RALYL: variants seen among roughly 807,000 people sequenced by gnomAD.
RALYL encodes RALY RNA binding protein like, also known as RNA-binding Raly-like protein.
In RALYL, 29 loss-of-function variants were observed where a neutral mutation model predicts 35.1. That is an observed-to-expected ratio of 0.83 (90% CI 0.61 to 1.13). The LOEUF is 1.13. Ranked by LOEUF, RALYL falls within the 50% of genes most tolerant of loss-of-function variation. RALYL has a pLI of 0.00. For missense variants in RALYL, 359 were observed against 360.4 expected (o/e 1.00, Z 0.03); for synonymous variants, 120 against 127.6 (o/e 0.94, Z 0.40).
intron 2 of RALYL, among the ~76,000 whole-genome samples, chr8:84,604,747 C>T (rs1816740825): frequency 6.6e-6 from 1 of 152,060 alleles, no homozygotes. Context: ...GTGTCACATT[C>T]GGGATTTGTT....
intron 2 of RALYL, among the ~76,000 whole-genome samples, chr8:84,689,891 C>T (rs372421987): frequency 6.6e-6 from 1 of 151,948 alleles, no homozygotes; most frequent in Non-Finnish European, 1.5e-5. Flanking sequence ...CAAAAGATAG[C>T]AAGTGTCATC....
At chr8:84,809,523 TTCTC>T (rs1825430213) in intron 4 of RALYL, among the ~76,000 whole-genome samples, 1 of 152,160 alleles carries the variant, frequency 6.6e-6, no homozygotes, top group African/African-American at 2.4e-5. Flanking sequence ...GGTTTCTTCT[TTCTC>T]TATCTTGTGG....
At chr8:84,365,740 A>G (rs561379942) in intron 1 of RALYL, among the ~76,000 whole-genome samples, 3 of 152,218 alleles carry the variant, frequency 2.0e-5, no homozygotes, top group Admixed American at 6.5e-5. Context: ...GAAGGCAGTT[A>G]TGGGTTTTAC....
chr8:84,846,667 T>G (rs1283522029), intron 4 of RALYL, among the ~76,000 whole-genome samples: 1 of 152,182 alleles, frequency 6.6e-6, no homozygotes, highest in Non-Finnish European at 1.5e-5. Flanking sequence ...TTGGTAGGTT[T>G]TGTATTATGG....
chr8:84,914,332 T>C (rs888391377), intron 8 of RALYL, among the ~76,000 whole-genome samples: 8 of 151,994 alleles, frequency 5.3e-5, no homozygotes, highest in African/African-American at 1.9e-4. Flanking sequence ...TAAATAACGA[T>C]TTTTAGACAC....
intron 1 of RALYL, among the ~76,000 whole-genome samples, chr8:84,230,324 C>T (rs1825022641): frequency 6.6e-6 from 1 of 151,770 alleles, no homozygotes; most frequent in Non-Finnish European, 1.5e-5. Context: ...TTGCAACCAA[C>T]CCTAAAAATA....
intron 1 of RALYL, among the ~76,000 whole-genome samples, chr8:84,256,874 C>T (rs1223361297): frequency 6.6e-6 from 1 of 151,942 alleles, no homozygotes; most frequent in Non-Finnish European, 1.5e-5. Flanking sequence ...GCTTCTGTCC[C>T]CTGATCCATA....
chr8:84,209,463 G>A (rs1251672414), intron 1 of RALYL, among the ~76,000 whole-genome samples: 1 of 152,104 alleles, frequency 6.6e-6, no homozygotes, highest in Non-Finnish European at 1.5e-5. Context: ...AAGAAAATGG[G>A]GATGGGAACA....
intron 1 of RALYL, among the ~76,000 whole-genome samples, chr8:84,456,332 G>T (rs775101753): frequency 6.6e-6 from 1 of 151,946 alleles, no homozygotes; most frequent in Non-Finnish European, 1.5e-5. Context: ...ATCCGAATTT[G>T]GTATCACTGT....
At chr8:84,879,460 A>G (rs1480249374) in intron 7 of RALYL, among the ~76,000 whole-genome samples, 1 of 152,176 alleles carries the variant, frequency 6.6e-6, no homozygotes, top group African/African-American at 2.4e-5. Context: ...ATTAAATCCA[A>G]TTTACAATAT....
chr8:84,843,859 C>A (rs1163193958), intron 4 of RALYL, among the ~76,000 whole-genome samples: 1 of 152,128 alleles, frequency 6.6e-6, no homozygotes. Flanking sequence ...CAAAAACAAG[C>A]AATGGGGAAA....
chr8:84,244,116 A>G (rs532416376), intron 1 of RALYL, among the ~76,000 whole-genome samples: 1 of 152,094 alleles, frequency 6.6e-6, no homozygotes, highest in Non-Finnish European at 1.5e-5. Context: ...AATAGAAGCA[A>G]CTATGTATCT....
At chr8:84,246,226 C>G (rs1447226308) in intron 1 of RALYL, among the ~76,000 whole-genome samples, 3 of 152,076 alleles carry the variant, frequency 2.0e-5, no homozygotes, top group African/African-American at 7.2e-5. Context: ...TCTCTCTTTC[C>G]TTCCCTTTAT....
chr8:84,646,178 T>C (rs953575230), intron 2 of RALYL, among the ~76,000 whole-genome samples: 1 of 151,932 alleles, frequency 6.6e-6, no homozygotes, highest in African/African-American at 2.4e-5. Flanking sequence ...TTCTTTTATT[T>C]TTTTTTAAAT....
At chr8:84,705,891 T>G in intron 2 of RALYL, 1 of 1,466,514 alleles carries the variant, frequency 6.8e-7, no homozygotes, top group Non-Finnish European at 9.0e-7. Context: ...GGTATTACCC[T>G]GGCTTTCACT....
chr8:84,341,162 T>TC (rs1255752148), intron 1 of RALYL, among the ~76,000 whole-genome samples: 2 of 150,828 alleles, frequency 1.3e-5, no homozygotes, highest in East Asian at 3.9e-4. Flanking sequence ...CAGGTGATTT[T>TC]TTTTTTTTTT....
chr8:84,698,108 A>C (rs1371110350), intron 2 of RALYL, among the ~76,000 whole-genome samples: 1 of 152,084 alleles, frequency 6.6e-6, no homozygotes, highest in African/African-American at 2.4e-5. Context: ...TGCAGCTCAC[A>C]AACGTACACA....
intron 1 of RALYL, among the ~76,000 whole-genome samples, chr8:84,354,754 G>T (rs1851509310): frequency 6.7e-6 from 1 of 150,082 alleles, no homozygotes; most frequent in South Asian, 2.1e-4. Flanking sequence ...AGAAGACAGG[G>T]GTAGCTAAAA....
At chr8:84,686,430 G>A (rs149350878) in intron 2 of RALYL, among the ~76,000 whole-genome samples, 194 of 151,542 alleles carry the variant, frequency 1.3e-3, no homozygotes, top group African/African-American at 4.3e-3. Context: ...TTTGAGACTG[G>A]GTTCAGCTCT....
Sources: allele counts gnomAD v4.1 joint callset (sites outside exome capture counted in the v4.1 genomes callset), GRCh38; gene constraint gnomAD v4.1.1; transcripts MANE v1.5; gene names NCBI Gene and HGNC (gene_info 2026-07-23, HGNC 2026-07-21).